The following GPM6A variants were observed in gnomAD, a reference collection of about 807,000 sequenced individuals.
The protein encoded by GPM6A is neuronal membrane glycoprotein M6-a.
GPM6A carries 7 observed loss-of-function variants against 32.1 expected under a neutral mutation model. The observed-to-expected ratio is 0.22, with a 90% CI of 0.12 to 0.41. GPM6A has a LOEUF of 0.41. Ranked by LOEUF, GPM6A falls within the 10% of genes least tolerant of loss-of-function variation. The probability of loss-of-function intolerance (pLI) is 1.00; values close to 1 mark genes in which losing one functional copy is unlikely to be tolerated. For synonymous variants in GPM6A, 130 were observed against 123.4 expected (o/e 1.05, Z -0.35); for missense variants, 235 against 347.2 (o/e 0.68, Z 2.57).
At chr4:175,710,321 T>C (rs1745458630) in intron 1 of GPM6A, among the ~76,000 whole-genome samples, 1 of 152,156 alleles carries the variant, frequency 6.6e-6, no homozygotes, top group Non-Finnish European at 1.5e-5. Flanking sequence ...TAAAAGTATT[T>C]AACCCTATAA....
At chr4:175,949,913 G>A (rs1170342302) in intron 1 of GPM6A, among the ~76,000 whole-genome samples, 1 of 152,132 alleles carries the variant, frequency 6.6e-6, no homozygotes, top group Non-Finnish European at 1.5e-5. Context: ...GTAGCCTTAT[G>A]AGTTCTCACC....
chr4:175,806,750 C>G (rs17062080), intron 1 of GPM6A: 23 of 152,080 alleles, frequency 1.5e-4, no homozygotes, highest in Admixed American at 1.1e-3. Flanking sequence ...TAATTTCTTA[C>G]GCCCAGGAGG....
At chr4:175,982,400 A>T (rs919865380) in intron 1 of GPM6A, among the ~76,000 whole-genome samples, 1 of 152,116 alleles carries the variant, frequency 6.6e-6, no homozygotes, top group Non-Finnish European at 1.5e-5. Flanking sequence ...TTTTATATCC[A>T]TTTTGAGTTA....
chr4:175,746,842 C>G (rs894909142), intron 1 of GPM6A, among the ~76,000 whole-genome samples: 6 of 152,228 alleles, frequency 3.9e-5, no homozygotes, highest in Non-Finnish European at 8.8e-5. Context: ...AATAACTGAA[C>G]TGAAAATCGG....
At chr4:175,921,753 A>G (rs1324937327) in intron 1 of GPM6A, among the ~76,000 whole-genome samples, 1 of 152,210 alleles carries the variant, frequency 6.6e-6, no homozygotes, top group East Asian at 1.9e-4. Context: ...TGTTTGCTGC[A>G]CTAGCTTTCT....
At chr4:175,725,218 A>T (rs1237678419) in intron 1 of GPM6A, among the ~76,000 whole-genome samples, 2 of 152,128 alleles carry the variant, frequency 1.3e-5, no homozygotes, top group Non-Finnish European at 1.5e-5. Flanking sequence ...TAAGAGCTAA[A>T]CAAATATAAG....
chr4:175,903,229 C>A (rs1738024002), intron 1 of GPM6A, among the ~76,000 whole-genome samples: 1 of 151,640 alleles, frequency 6.6e-6, no homozygotes. Flanking sequence ...TCTCATTGGC[C>A]AAACTCATGT....
At chr4:175,637,200 T>A (rs1199512275) in intron 6 of GPM6A, among the ~76,000 whole-genome samples, 2 of 94,770 alleles carry the variant, frequency 2.1e-5, no homozygotes, top group African/African-American at 4.3e-5. Context: ...ATATATTATA[T>A]GTGACATAAT....
intron 1 of GPM6A, among the ~76,000 whole-genome samples, chr4:175,736,569 G>A (rs923960721): frequency 1.5e-4 from 23 of 152,138 alleles, no homozygotes; most frequent in African/African-American, 5.1e-4. Flanking sequence ...TTGGCTTTAC[G>A]TTGCTGAAAC....
intron 1 of GPM6A, among the ~76,000 whole-genome samples, chr4:176,000,130 C>A (rs189508125): frequency 6.6e-6 from 1 of 152,134 alleles, no homozygotes; most frequent in African/African-American, 2.4e-5. Flanking sequence ...TTTCGCTCAC[C>A]TCTGGCTTCC....
chr4:175,639,513 C>T (rs576514496), intron 6 of GPM6A, among the ~76,000 whole-genome samples: 5 of 152,088 alleles, frequency 3.3e-5, no homozygotes, highest in Non-Finnish European at 5.9e-5. Context: ...ACACTCAGAG[C>T]ACTTGCTCAG....
chr4:175,664,978 A>C (rs980813401), intron 3 of GPM6A, among the ~76,000 whole-genome samples: 6 of 152,220 alleles, frequency 3.9e-5, no homozygotes, highest in East Asian at 1.9e-4. Flanking sequence ...CAAATGCTGG[A>C]GGCAACTGTA....
At chr4:175,851,328 T>C (rs950145830) in intron 1 of GPM6A, among the ~76,000 whole-genome samples, 1 of 151,954 alleles carries the variant, frequency 6.6e-6, no homozygotes, top group Admixed American at 6.6e-5. Flanking sequence ...CTACTAAAAA[T>C]ACAAAAATTA....
intron 1 of GPM6A, chr4:176,002,209 G>A (rs1232009190): frequency 7.9e-7 from 1 of 1,265,816 alleles, no homozygotes; most frequent in African/African-American, 1.5e-5. Flanking sequence ...AGCTGGGAAG[G>A]ACGCAGTCTG....
chr4:175,735,185 A>T (rs1272945923), intron 1 of GPM6A, among the ~76,000 whole-genome samples: 2 of 152,190 alleles, frequency 1.3e-5, no homozygotes, highest in African/African-American at 2.4e-5. Context: ...TCCGGCAAAA[A>T]ATCTCTCTCA....
At chr4:175,838,065 T>G (rs529062084) in intron 1 of GPM6A, among the ~76,000 whole-genome samples, 1 of 149,390 alleles carries the variant, frequency 6.7e-6, no homozygotes, top group East Asian at 2.0e-4. Flanking sequence ...TAATAAAGAA[T>G]AGCCGTTCAG....
At chr4:175,737,335 C>CGTAATCCTGCACGCCT (rs1560905287) in intron 1 of GPM6A, among the ~76,000 whole-genome samples, 4 of 151,576 alleles carry the variant, frequency 2.6e-5, no homozygotes, top group Non-Finnish European at 4.4e-5. Flanking sequence ...CCTGCACGCC[C>CGTAATCCTGCACGCCT]GTAATCCTGC....
chr4:175,921,237 G>C (rs574866275), intron 1 of GPM6A, among the ~76,000 whole-genome samples: 1 of 151,876 alleles, frequency 6.6e-6, no homozygotes, highest in Non-Finnish European at 1.5e-5. Flanking sequence ...TATTCAGTGT[G>C]ATCTATTTAA....
intron 1 of GPM6A, chr4:175,790,468 A>G (rs1390324304): frequency 6.6e-6 from 1 of 152,192 alleles, no homozygotes; most frequent in Non-Finnish European, 1.5e-5. Flanking sequence ...AAGTATCACA[A>G]GTATGATTCT....
Sources: gnomAD v4.1 joint callset for allele counts (sites outside exome capture counted in the v4.1 genomes callset) on GRCh38, gnomAD v4.1.1 for gene constraint, MANE v1.5 for transcripts, NCBI Gene and HGNC (gene_info 2026-07-23, HGNC 2026-07-21) for gene names.